SMARCAL1: variants seen among roughly 807,000 people sequenced by gnomAD.
SMARCAL1 encodes SNF2 related chromatin remodeling annealing helicase 1.
A neutral mutation model predicts 94.5 loss-of-function variants in SMARCAL1; 58 were observed. That is an observed-to-expected ratio of 0.61 (90% CI 0.50 to 0.76). SMARCAL1 has a LOEUF of 0.76. Among genes scored for constraint, SMARCAL1 ranks in the 30% least tolerant of loss-of-function variants. The probability of loss-of-function intolerance (pLI) is 0.00; values close to 1 mark genes in which losing one functional copy is unlikely to be tolerated. For synonymous variants in SMARCAL1, 422 were observed against 455.1 expected (o/e 0.93, Z 0.93); for missense variants, 1,051 against 1,177.9 (o/e 0.89, Z 1.58).
At position 216,447,332 on chromosome 2, in the gene SMARCAL1, A is replaced by C. The variant is rs751302650; in HGVS notation, c.1851+174A>C. 7.9e-5 allele frequency among the ~76,000 whole-genome samples: 12 copies of C among 152,104 alleles called. 1 individual carries two copies. Among genetic ancestry groups the C allele is most frequent in the Non-Finnish European group, 1.6e-4 (11 of 68,028 alleles). ...TTGGAATGACCTCAGGGGTAAGATG[A>C]AAATGGTCATCTTACCCTTTAAATC... is the stretch of plus-strand genomic sequence containing the variant. On this transcript the variant is annotated intron_variant, in intron 11 of 17. Coordinates refer to ENST00000357276, the MANE Select transcript of SMARCAL1 (RefSeq NM_014140.4).
chr2:216,444,118 A>G (rs888689719), intron 10 of SMARCAL1, among the ~76,000 whole-genome samples: 4 of 152,210 alleles, frequency 2.6e-5, no homozygotes, highest in African/African-American at 9.6e-5. Context: ...ACACAGCTTC[A>G]ATGTCCCTGC....
intron 4 of SMARCAL1, among the ~76,000 whole-genome samples, chr2:216,418,495 T>C (rs1055151995): frequency 2.6e-5 from 4 of 152,206 alleles, no homozygotes; most frequent in Non-Finnish European, 5.9e-5. Flanking sequence ...AGGTTCATGA[T>C]TGTGTCTCAT....
intron 14 of SMARCAL1, among the ~76,000 whole-genome samples, chr2:216,471,295 A>G (rs1264804713): frequency 6.6e-6 from 1 of 152,206 alleles, no homozygotes; most frequent in African/African-American, 2.4e-5. Flanking sequence ...TTACAAAGGA[A>G]AAATTGATTT....
intron 13 of SMARCAL1, among the ~76,000 whole-genome samples, chr2:216,467,208 C>T (rs553589109): frequency 9.9e-5 from 15 of 152,224 alleles, no homozygotes; most frequent in East Asian, 7.7e-4. Flanking sequence ...CGGTGGCTCA[C>T]GCCTGTAATC....
chr2:216,454,663 A>G (rs1459142586), intron 12 of SMARCAL1, among the ~76,000 whole-genome samples: 1 of 152,244 alleles, frequency 6.6e-6, no homozygotes, highest in African/African-American at 2.4e-5. Context: ...AATAAGTGGT[A>G]TATGAGAGTT....
chr2:216,464,716 A>C, intron 13 of SMARCAL1, 49 bp downstream of exon 13: 10 of 1,259,750 alleles, frequency 7.9e-6, no homozygotes, highest in Non-Finnish European at 1.2e-5. Context: ...CTTCAAAAAA[A>C]AAAAAAACAA....
At chr2:216,414,547 A>G (rs774673242) in intron 2 of SMARCAL1, 100 bp from the exon 3 acceptor site, 258 of 689,546 alleles carry the variant, frequency 3.7e-4, no homozygotes, top group Non-Finnish European at 5.9e-4. Flanking sequence ...AGTTGTGCTC[A>G]TTATGCATTT....
chr2:216,441,787 C>CA (rs1317400356), intron 10 of SMARCAL1, among the ~76,000 whole-genome samples: 2 of 152,192 alleles, frequency 1.3e-5, no homozygotes, highest in Non-Finnish European at 2.9e-5. Flanking sequence ...AGTCTTCAAT[C>CA]AGAGGCTTTT....
intron 5 of SMARCAL1, among the ~76,000 whole-genome samples, chr2:216,421,625 T>C (rs1186402020): frequency 6.6e-6 from 1 of 152,092 alleles, no homozygotes; most frequent in Non-Finnish European, 1.5e-5. Flanking sequence ...CTTCATAAGC[T>C]CCCCCTTCAG....
Position 216,428,740 on chromosome 2 carries a change from A to G in SMARCAL1, c.1292A>G (p.Lys431Arg). 1.9e-6 allele frequency: 3 copies of G among 1,614,218 alleles called. No individual in the cohort carries two copies. Among genetic ancestry groups the G allele is most frequent in the Non-Finnish European group, 2.5e-6 (3 of 1,180,042 alleles). Residue 431 changes from lysine to arginine, a missense_variant, in exon 7 of 18, where the codon AAG becomes AGG. Lys to Arg is a conservative substitution (Grantham distance 26). Transcript: ENST00000357276. ...PEADLSEVDPKLVSNLMPFQR... is the reference protein window; with the variant it reads ...PEADLSEVDPRLVSNLMPFQR... ...GCAGACCTTTCTGAAGTGGACCCCA[A>G]GCTCGTGTCTAATCTGATGCCCTTT...
At chr2:216,453,890 G>A (rs1347628273) in intron 12 of SMARCAL1, among the ~76,000 whole-genome samples, 2 of 152,228 alleles carry the variant, frequency 1.3e-5, no homozygotes, top group Non-Finnish European at 2.9e-5. Context: ...GAGCCAAGGT[G>A]AAGGAGCCAA....
At chr2:216,477,935 T>C (rs369634780) in intron 16 of SMARCAL1, among the ~76,000 whole-genome samples, 7 of 152,254 alleles carry the variant, frequency 4.6e-5, no homozygotes, top group African/African-American at 1.7e-4. Context: ...AGATTCAAAA[T>C]TGTGTTGAAA....
chr2:216,451,481 G>T, intron 12 of SMARCAL1: 1 of 200,600 alleles, frequency 5.0e-6, no homozygotes, highest in Non-Finnish European at 1.0e-5. Context: ...ATTTGTGTTA[G>T]TCAAAATAAC....
At chr2:216,455,485 A>G (rs895563124) in intron 12 of SMARCAL1, among the ~76,000 whole-genome samples, 5 of 152,164 alleles carry the variant, frequency 3.3e-5, no homozygotes, top group African/African-American at 1.2e-4. Flanking sequence ...ACGGCCAGGT[A>G]CCCCTCTGAA....
intron 10 of SMARCAL1, among the ~76,000 whole-genome samples, chr2:216,445,184 G>A (rs1482510643): frequency 6.6e-6 from 1 of 152,174 alleles, no homozygotes; most frequent in African/African-American, 2.4e-5. Context: ...AGTGGAGGGT[G>A]ACATATGACA....
intron 6 of SMARCAL1, among the ~76,000 whole-genome samples, chr2:216,424,680 G>A (rs1693792862): frequency 6.7e-6 from 1 of 149,882 alleles, no homozygotes; most frequent in Non-Finnish European, 1.5e-5. Context: ...TGTCCCTTTA[G>A]TAAAAAAAGC....
chr2:216,467,898 TA>T (rs1282957362), intron 13 of SMARCAL1, 45 bp from the exon 14 acceptor site: 1 of 1,133,988 alleles, frequency 8.8e-7, no homozygotes, highest in Non-Finnish European at 1.3e-6. Flanking sequence ...ACATAAAACA[TA>T]AGGAGTATAT....
chr2:216,446,908 C>A, intron 10 of SMARCAL1, 110 bp from the exon 11 acceptor site: 1 of 1,273,774 alleles, frequency 7.9e-7, no homozygotes, highest in Non-Finnish European at 1.1e-6. Context: ...TCGCGACACG[C>A]ACGCGGTCTT....
At chr2:216,437,736 C>G (rs1334709314) in intron 9 of SMARCAL1, among the ~76,000 whole-genome samples, 1 of 151,552 alleles carries the variant, frequency 6.6e-6, no homozygotes, top group African/African-American at 2.4e-5. Context: ...ATGATCAACT[C>G]TATATTTGCT....
Sources: allele counts gnomAD v4.1 joint callset (sites outside exome capture counted in the v4.1 genomes callset), GRCh38; gene constraint gnomAD v4.1.1; transcripts MANE v1.5; gene names NCBI Gene and HGNC (gene_info 2026-07-23, HGNC 2026-07-21).